The following SBK1 variants were observed in gnomAD, a reference collection of about 807,000 sequenced individuals.
SBK1 encodes serine/threonine-protein kinase SBK1.
SBK1 carries 11 observed loss-of-function variants against 24.4 expected under a neutral mutation model. That is an observed-to-expected ratio of 0.45 (90% CI 0.28 to 0.75). The LOEUF is 0.75. Among genes scored for constraint, SBK1 ranks in the 30% least tolerant of loss-of-function variants. SBK1 has a pLI of 0.12. For synonymous variants in SBK1, 308 were observed against 284.4 expected (o/e 1.08, Z -0.83); for missense variants, 467 against 620.5 (o/e 0.75, Z 2.63).
At chr16:28,309,531 A>G (rs1461502992) in intron 1 of SBK1, among the ~76,000 whole-genome samples, 4 of 152,152 alleles carry the variant, frequency 2.6e-5, no homozygotes, top group East Asian at 1.9e-4. Flanking sequence ...CGTTTACTCA[A>G]ATCATTCAAT....
At chr16:28,297,422 C>T (rs1217393000) in intron 1 of SBK1, among the ~76,000 whole-genome samples, 2 of 152,170 alleles carry the variant, frequency 1.3e-5, no homozygotes, top group African/African-American at 2.4e-5. Context: ...GCAGCAGGCC[C>T]CTGTCACTGG....
At chr16:28,293,774 G>T (rs191373785) in intron 1 of SBK1, among the ~76,000 whole-genome samples, 300 of 152,234 alleles carry the variant, frequency 2.0e-3, no homozygotes, top group African/African-American at 6.7e-3. Flanking sequence ...TCGGGTGTGT[G>T]TCTTTGTCTG....
At chr16:28,284,592 A>G (rs150023681) in intron 1 of SBK1, among the ~76,000 whole-genome samples, 21 of 152,310 alleles carry the variant, frequency 1.4e-4, no homozygotes, top group African/African-American at 5.1e-4. Flanking sequence ...AGTGCTTCTC[A>G]GAGTGTGAGA....
At position 28,307,176 on chromosome 16, in the gene SBK1, G is replaced by A. The variant is rs570437623; in HGVS notation, c.-7-10209G>A. Among the ~76,000 whole-genome samples, 5 of 152,296 alleles carry A rather than the reference G, an allele frequency of 3.3e-5. No individual in the cohort carries two copies. The East Asian group carries it at 7.7e-4, about 24-fold the overall frequency. On this transcript the variant is annotated intron_variant, in intron 1 of 3. Transcript: ENST00000341901. The stretch of plus-strand genomic sequence containing the variant: ...TGATGCCAACGGGGAGGAGAGTGAT[G>A]ATAAATAGCCGACACTCAGGGAACC...
At chr16:28,281,076 C>T (rs1301880365) in intron 1 of SBK1, among the ~76,000 whole-genome samples, 1 of 152,092 alleles carries the variant, frequency 6.6e-6, no homozygotes, top group African/African-American at 2.4e-5. Flanking sequence ...TGGTGGTGTC[C>T]TCAGACAGAC....
intron 1 of SBK1, among the ~76,000 whole-genome samples, chr16:28,264,200 G>A (rs145580982): frequency 2.8e-4 from 42 of 152,318 alleles, no homozygotes; most frequent in African/African-American, 9.1e-4. Flanking sequence ...TGGGTCAGAG[G>A]AGGAAGGGAA....
chr16:28,279,225 G>A (rs2044513881), intron 1 of SBK1, among the ~76,000 whole-genome samples: 1 of 150,058 alleles, frequency 6.7e-6, no homozygotes, highest in Non-Finnish European at 1.5e-5. Context: ...AAAAAAAAAG[G>A]AAAGGAAATA....
In SBK1 at chr16:28,321,238, C is replaced by G. The variant is rs1038233326; in HGVS notation, c.*317C>G. Reference sequence around the variant, plus strand: ...ACACACACACACACACACACACACACGCCAGGAGCAAGGGAGCTTTCGGGC... The same window carrying G: ...ACACACACACACACACACACACACAGGCCAGGAGCAAGGGAGCTTTCGGGC... On this transcript the variant is annotated 3_prime_UTR_variant, in exon 4 of 4. Coordinates refer to ENST00000341901, the MANE Select transcript of SBK1 (RefSeq NM_001024401.3). 3.7e-5 allele frequency: 6 copies of G among 162,000 alleles called. No individual in the cohort carries two copies. The highest frequency in any genetic ancestry group is 6.4e-5 in the Non-Finnish European group (5 of 78,446). The allele number at this position is 162,000 out of a possible 1,614,324, so 10.0% of individuals were successfully genotyped here. A position where few individuals can be genotyped will look rare whatever the true frequency, so the allele number is the denominator to read the frequency against.
chr16:28,312,358 C>T (rs530354061), intron 1 of SBK1, among the ~76,000 whole-genome samples: 1 of 152,310 alleles, frequency 6.6e-6, no homozygotes, highest in African/African-American at 2.4e-5. Context: ...GGTGGGTGGA[C>T]ATTTCACAGG....
chr16:28,321,227 ACACACACACACG>A lies in SBK1; in HGVS notation c.*308_*319del. ...CACACACACACACACACACACACAC[ACACACACACACG>A]CCAGGAGCAAGGGAGCTTTCGGGCC... On this transcript the variant is annotated 3_prime_UTR_variant, in exon 4 of 4. Coordinates refer to ENST00000341901, the MANE Select transcript of SBK1 (RefSeq NM_001024401.3). 6.0e-6 allele frequency: 1 copy of A among 167,560 alleles called. No homozygotes were observed. Among genetic ancestry groups the A allele is most frequent in the East Asian group, 1.7e-4 (1 of 6,056 alleles). The allele number at this position is 167,560 out of a possible 1,614,324, so 10.4% of individuals were successfully genotyped here.
Position 28,317,261 on chromosome 16 carries a change from G to T in SBK1, c.-7-124G>T. The T allele has an allele frequency of 1.4e-6, 1 of 698,316 alleles. No individual in the cohort carries two copies. Among genetic ancestry groups the T allele is most frequent in the Non-Finnish European group, 2.4e-6 (1 of 412,314 alleles). 43.3% of individuals were successfully genotyped at this position (698,316 alleles called of 1,614,324 possible). A position where few individuals can be genotyped will look rare whatever the true frequency, so the allele number is the denominator to read the frequency against. On this transcript the variant is annotated intron_variant, in intron 1 of 3. Transcript: ENST00000341901. The surrounding 1 kb of genome is among the most constrained non-coding windows in gnomAD (Gnocchi z 4.2). Reference sequence around the variant, plus strand: ...CCAAGATGCTTGTCGCCCCCTTGTGGTTATCTTGGGCCTGGCATCCGGGCC... The same window carrying T: ...CCAAGATGCTTGTCGCCCCCTTGTGTTTATCTTGGGCCTGGCATCCGGGCC...
intron 1 of SBK1, among the ~76,000 whole-genome samples, chr16:28,275,412 GTA>G: frequency 1.3e-5 from 2 of 152,272 alleles, no homozygotes; most frequent in South Asian, 4.1e-4. Flanking sequence ...TTTTCTATAT[GTA>G]TATAAGAAGA....
intron 1 of SBK1, among the ~76,000 whole-genome samples, chr16:28,278,856 G>A (rs887002329): frequency 6.6e-6 from 1 of 152,356 alleles, no homozygotes; most frequent in East Asian, 1.9e-4. Context: ...CAGGTGTACA[G>A]CGACGTGGTC....
chr16:28,292,584 G>T lies in SBK1; in HGVS notation c.-724G>T. 1.0e-6 allele frequency: 1 copy of T among 980,352 alleles called. No homozygotes were observed. Among genetic ancestry groups the T allele is most frequent in the South Asian group, 4.7e-5 (1 of 21,366 alleles). 60.7% of individuals were successfully genotyped at this position (980,352 alleles called of 1,614,324 possible). ...GGGGCCGGGGCCCGAGCGCCAGGCG[G>T]AGCGCGAGCTGGAGCCGCAGCCGGA... On this transcript the variant is annotated 5_prime_UTR_variant, in exon 1 of 4. Transcript: ENST00000341901.
chr16:28,271,695 T>A (rs1164130157), intron 1 of SBK1, among the ~76,000 whole-genome samples: 1 of 152,178 alleles, frequency 6.6e-6, no homozygotes, highest in Non-Finnish European at 1.5e-5. Flanking sequence ...ATAGAATACC[T>A]AATGTTTTTG....
At chr16:28,297,790 C>T (rs2044651192) in intron 1 of SBK1, among the ~76,000 whole-genome samples, 1 of 152,168 alleles carries the variant, frequency 6.6e-6, no homozygotes, top group Non-Finnish European at 1.5e-5. Flanking sequence ...AGTTACTCTT[C>T]CTTGGGAGCT....
At chr16:28,292,519 A>AGCCGCGAT (rs1216866536), upstream of SBK1, 31 of 975,176 alleles carry the variant, frequency 3.2e-5, no homozygotes, top group Admixed American at 1.2e-3. Context: ...TGGAGGGCGG[A>AGCCGCGAT]GCCGCGATGC....
At chr16:28,288,067 T>C (rs2044577230), upstream of SBK1, among the ~76,000 whole-genome samples, 1 of 152,006 alleles carries the variant, frequency 6.6e-6, no homozygotes, top group South Asian at 2.1e-4. Context: ...AAGAGGAAGC[T>C]GGGAAGATCA....
chr16:28,289,168 T>C (rs2044584092), upstream of SBK1, among the ~76,000 whole-genome samples: 1 of 152,230 alleles, frequency 6.6e-6, no homozygotes, highest in South Asian at 2.1e-4. Flanking sequence ...AGTGCTAACA[T>C]TCTGAGACTC....
Sources: allele counts gnomAD v4.1 joint callset (sites outside exome capture counted in the v4.1 genomes callset), GRCh38; gene constraint gnomAD v4.1.1; non-coding constraint Gnocchi (gnomAD v3.1); transcripts MANE v1.5; gene names NCBI Gene and HGNC (gene_info 2026-07-23, HGNC 2026-07-21).